GALNT10: variants seen among roughly 807,000 people sequenced by gnomAD.
GALNT10 encodes the protein GalNAc transferase 10.
Under a neutral mutation model 75.0 loss-of-function variants are expected in GALNT10, and 41 were observed. That is an observed-to-expected ratio of 0.55 (90% CI 0.43 to 0.71). GALNT10 has a LOEUF of 0.71. GALNT10 is among the 30% of genes least tolerant of loss of function. GALNT10 has a pLI of 0.00. For synonymous variants in GALNT10, 302 were observed against 313.0 expected, an observed-to-expected ratio of 0.96 and a Z score of 0.37; for missense variants, 727 against 818.5, an observed-to-expected ratio of 0.89 and a Z score of 1.36.
At chr5:154,259,297 A>T (rs957410447) in intron 1 of GALNT10, among the ~76,000 whole-genome samples, 1 of 152,106 alleles carries the variant, frequency 6.6e-6, no homozygotes, top group Admixed American at 6.5e-5. Context: ...ATGTTCTCTC[A>T]TGATTAATTT....
At position 154,343,841 on chromosome 5, in the gene GALNT10, G is replaced by A. The variant is rs62379902; in HGVS notation, c.568+14103G>A. ...CCCTCAAAATCCTTCCTCAATATGA[G>A]CCCACTTCTAACATCTTTGTGGCTT... On this transcript the variant is annotated intron_variant, in intron 4 of 11. Transcript: ENST00000297107. Among the ~76,000 whole-genome samples, 821 of 152,150 alleles carry A rather than the reference G, an allele frequency of 5.4e-3. 4 individuals carry two copies. Among genetic ancestry groups the A allele is most frequent in the Admixed American group, 9.3e-3 (142 of 15,282 alleles).
At chr5:154,220,430 G>A (rs1322123946) in intron 1 of GALNT10, 3 of 152,200 alleles carry the variant, frequency 2.0e-5, no homozygotes, top group Non-Finnish European at 2.9e-5. Context: ...AAAGCGCCAG[G>A]ACACCAAGGG....
intron 4 of GALNT10, chr5:154,338,342 T>A: frequency 4.0e-6 from 2 of 495,048 alleles, no homozygotes; most frequent in Non-Finnish European, 7.5e-6. Flanking sequence ...CTCAAAAATT[T>A]GAGGCTGAGA....
At chr5:154,244,744 G>A (rs553883992) in intron 1 of GALNT10, among the ~76,000 whole-genome samples, 1 of 152,298 alleles carries the variant, frequency 6.6e-6, no homozygotes, top group African/African-American at 2.4e-5. Context: ...AAAAAGCAGG[G>A]GCAGCCACTT....
intron 3 of GALNT10, among the ~76,000 whole-genome samples, chr5:154,305,309 AAAG>A (rs1236847777): frequency 3.3e-5 from 5 of 151,912 alleles, no homozygotes; most frequent in African/African-American, 4.8e-5. Context: ...AAAAAAAAAA[AAAG>A]AAGAAGAAGA....
At chr5:154,347,541 T>C (rs527673915) in intron 4 of GALNT10, among the ~76,000 whole-genome samples, 5 of 152,024 alleles carry the variant, frequency 3.3e-5, no homozygotes, top group Non-Finnish European at 7.4e-5. Flanking sequence ...TTTTAATTTT[T>C]AGTAGAGACA....
intron 1 of GALNT10, among the ~76,000 whole-genome samples, chr5:154,265,428 T>C (rs1394026078): frequency 3.3e-5 from 5 of 152,124 alleles, no homozygotes; most frequent in Non-Finnish European, 7.4e-5. Context: ...GGAAATACAC[T>C]CAGGAGCATT....
At chr5:154,311,907 C>T (rs769486316) in intron 3 of GALNT10, among the ~76,000 whole-genome samples, 2 of 152,206 alleles carry the variant, frequency 1.3e-5, no homozygotes, top group East Asian at 1.9e-4. Context: ...CCACCGTACC[C>T]GGTGGAGGGA....
In GALNT10 at chr5:154,415,823, A is replaced by T. The variant is rs1756493229; in HGVS notation, c.1544A>T (p.Asp515Val). The T allele has an allele frequency of 4.3e-6, 7 of 1,613,868 alleles. No homozygotes were observed. Among genetic ancestry groups the T allele is most frequent in the Non-Finnish European group, 5.9e-6 (7 of 1,179,926 alleles). Residue 515 changes from aspartate to valine, a missense_variant, in exon 11 of 12, where the codon GAC (aspartate) becomes GTC (valine). By Grantham distance (152) the Asp-to-Val change is radical. Transcript: ENST00000297107. ...FTWREDIRPGDPQHTKKFCFD... is the reference protein window; with the variant it reads ...FTWREDIRPGVPQHTKKFCFD... The stretch of plus-strand genomic sequence containing the variant: ...TGGAGAGAGGACATCCGGCCTGGAG[A>T]CCCCCAGCACACCAAGAAGTTCTGC...
chr5:154,314,614 C>T (rs1231489950), intron 3 of GALNT10, among the ~76,000 whole-genome samples: 1 of 151,960 alleles, frequency 6.6e-6, no homozygotes, highest in Admixed American at 6.6e-5. Flanking sequence ...ATGCTGGCGT[C>T]TGCCTATCTG....
At chr5:154,245,948 T>C (rs922986476) in intron 1 of GALNT10, among the ~76,000 whole-genome samples, 1 of 151,762 alleles carries the variant, frequency 6.6e-6, no homozygotes, top group Non-Finnish European at 1.5e-5. Context: ...CCTAATGCTA[T>C]CCCTCCCCAC....
At chr5:154,302,781 C>T (rs542649949) in intron 3 of GALNT10, among the ~76,000 whole-genome samples, 33 of 152,308 alleles carry the variant, frequency 2.2e-4, no homozygotes, top group African/African-American at 7.0e-4. Context: ...TAAATTAACA[C>T]AGTTAATTTA....
At chr5:154,386,471 C>T (rs1212987260) in intron 7 of GALNT10, 41 bp downstream of exon 7, 1 of 1,212,078 alleles carries the variant, frequency 8.3e-7, no homozygotes, top group African/African-American at 1.5e-5. Flanking sequence ...GGCACAGCCT[C>T]CTGAGTGCCT....
At position 154,412,927 on chromosome 5, in the gene GALNT10, G is replaced by C; in HGVS notation, c.1425G>C (p.Lys475Asn). The change falls in exon 10 of 12, where the codon AAG becomes AAC. Residue 475 changes from lysine to asparagine, a missense_variant. Lys to Asn is a moderately conservative substitution (Grantham distance 94). Transcript: ENST00000297107. The surrounding 1 kb of genome is among the most constrained non-coding windows in gnomAD (Gnocchi z 4.2). ...NVGTGLCADT[K>N]HGALGSPLRL... ...GCACAGGGCTGTGTGCAGACACAAAGCACGGGGCCTTGGGCTCCCCACTAA... is the reference window on the plus strand; with the variant it reads ...GCACAGGGCTGTGTGCAGACACAAACCACGGGGCCTTGGGCTCCCCACTAA... 1 of 1,613,866 alleles carries C rather than the reference G, an allele frequency of 6.2e-7. No homozygotes were observed. Among genetic ancestry groups the C allele is most frequent in the South Asian group, 1.1e-5 (1 of 91,078 alleles).
Position 154,337,841 on chromosome 5 carries a change from T to C in GALNT10, c.568+8103T>C, listed in dbSNP as rs1330604096. The C allele has an allele frequency of 6.7e-6, 7 of 1,039,210 alleles. No individual in the cohort carries two copies. In the Admixed American group the frequency reaches 6.8e-5, roughly 10 times the overall value. The allele number at this position is 1,039,210 out of a possible 1,614,324, so 64.4% of individuals were successfully genotyped here. A position where few individuals can be genotyped will look rare whatever the true frequency, so the allele number is the denominator to read the frequency against. On this transcript the variant is annotated intron_variant, in intron 4 of 11. Transcript: ENST00000297107. ...CACCACCAAAGTTTCCAGAGCCACTTCAGCCTCTTGGGCTGGATGAAACAC... is the reference window on the plus strand; with the variant it reads ...CACCACCAAAGTTTCCAGAGCCACTCCAGCCTCTTGGGCTGGATGAAACAC...
chr5:154,399,025 C>A (rs1440556698), intron 7 of GALNT10, among the ~76,000 whole-genome samples: 2 of 152,198 alleles, frequency 1.3e-5, no homozygotes, highest in Admixed American at 6.5e-5. Context: ...GAGCTTTTCA[C>A]ACACTGTCTT....
intron 4 of GALNT10, among the ~76,000 whole-genome samples, chr5:154,346,099 T>C (rs1755119967): frequency 6.6e-6 from 1 of 151,586 alleles, no homozygotes; most frequent in Non-Finnish European, 1.5e-5. Flanking sequence ...CATGCCTGGC[T>C]ATTTCCTTCT....
At chr5:154,240,301 G>GATA (rs1295580805) in intron 1 of GALNT10, among the ~76,000 whole-genome samples, 9 of 152,152 alleles carry the variant, frequency 5.9e-5, no homozygotes, top group Non-Finnish European at 1.2e-4. Flanking sequence ...ATAAAATGAC[G>GATA]ATAATAAAAC....
intron 5 of GALNT10, among the ~76,000 whole-genome samples, chr5:154,380,004 C>T (rs1020338242): frequency 2.6e-5 from 4 of 152,150 alleles, no homozygotes; most frequent in Non-Finnish European, 4.4e-5. Context: ...TGCTTTGGGC[C>T]GTAAATCAAG....
Sources: allele counts gnomAD v4.1 joint callset (sites outside exome capture counted in the v4.1 genomes callset), GRCh38; gene constraint gnomAD v4.1.1; non-coding constraint Gnocchi (gnomAD v3.1); transcripts MANE v1.5; gene names NCBI Gene and HGNC (gene_info 2026-07-23, HGNC 2026-07-21).